The following PIEZO2 variants were observed in gnomAD, a reference collection of about 807,000 sequenced individuals.
PIEZO2 encodes the protein piezo type mechanosensitive ion channel component 2, also known as piezo-type mechanosensitive ion channel component 2.
In PIEZO2, 172 loss-of-function variants were observed where a neutral mutation model predicts 337.3. That is an observed-to-expected ratio of 0.51 (90% CI 0.45 to 0.58). The LOEUF is 0.58. PIEZO2 is among the 20% of genes least tolerant of loss of function. PIEZO2 has a pLI of 0.00. For synonymous variants in PIEZO2, 1,251 were observed against 1,228.5 expected (o/e 1.02, Z -0.38); for missense variants, 3,028 against 3,391.3 (o/e 0.89, Z 2.66).
intron 1 of PIEZO2, among the ~76,000 whole-genome samples, chr18:11,072,930 A>T (rs1459024580): frequency 1.3e-5 from 2 of 152,206 alleles, no homozygotes; most frequent in Admixed American, 1.3e-4. Flanking sequence ...AGACCCCTTC[A>T]CGCACCCTCT....
Position 10,969,886 on chromosome 18 carries a change from G to T in PIEZO2, c.286+9649C>A, listed in dbSNP as rs2034166229. ...CAAAGCAAGAGAGTCATCAAATTTT[G>T]TCTTTGCCATACCTTTATTTCTCCT... On this transcript the variant is annotated intron_variant, in intron 3 of 55. Transcript: ENST00000674853. This position sits in a 1 kb window ranked among gnomAD's most constrained non-coding sequence, Gnocchi z 4.5. 6.6e-6 allele frequency among the ~76,000 whole-genome samples: 1 copy of T among 151,702 alleles called. No homozygotes were observed. Among genetic ancestry groups the T allele is most frequent in the Admixed American group, 6.6e-5 (1 of 15,212 alleles).
intron 1 of PIEZO2, among the ~76,000 whole-genome samples, chr18:11,086,460 A>G (rs1381570972): frequency 6.6e-6 from 1 of 151,386 alleles, no homozygotes; most frequent in African/African-American, 2.4e-5. Context: ...CGGAGCTTGC[A>G]GTGAGCCGAG....
rs575625433 is a variant in PIEZO2 at position 10,704,587 on chromosome 18, A to G, written c.6065T>C (p.Leu2022Pro). ...KFYVGQPRFL[L>P]LFYAMYNTLV... ...GGTATTGTACATGGCATAGAAGAGC[A>G]GCAGAAATCGGGGCTGCCCCACGTA... Residue 2022 changes from leucine to proline, a missense_variant, in exon 42 of 56, where the codon CTG (leucine) becomes CCG (proline). Leu to Pro is a moderately conservative substitution (Grantham distance 98). Transcript: ENST00000674853. The G allele has an allele frequency of 5.2e-6, 8 of 1,537,328 alleles. No homozygotes were observed. The highest frequency in any genetic ancestry group is 7.0e-6 in the Non-Finnish European group (8 of 1,146,926).
Position 10,715,712 on chromosome 18 carries a change from G to T in PIEZO2, c.5194C>A (p.His1732Asn), listed in dbSNP as rs746124170. 11 of 1,536,536 alleles carry T rather than the reference G, an allele frequency of 7.2e-6. No individual in the cohort carries two copies. Among genetic ancestry groups the T allele is most frequent in the Non-Finnish European group, 9.6e-6 (11 of 1,146,550 alleles). Residue 1732 changes from histidine (H) to asparagine (N), a missense_variant, in exon 38 of 56, where the codon CAT becomes AAT. By Grantham distance (68) the His-to-Asn change is moderately conservative. Around this residue, in one of 5 missense-constraint regions of PIEZO2, gnomAD observed 1,925 missense variants for 2,051.9 expected, o/e 0.94. Transcript: ENST00000674853. The stretch of plus-strand genomic sequence containing the variant: ...CTCAGAACTGTAGATATATCAATAT[G>T]CTCCCTTGAAATGGAGTTAAGCCAA... ...TTWLNSISREHIDISTVLRIE... is the reference protein window; with the variant it reads ...TTWLNSISRENIDISTVLRIE...
In PIEZO2 at chr18:10,677,965, A is replaced by C; in HGVS notation, c.7953-90T>G. 1 of 1,290,622 alleles carries C rather than the reference A, an allele frequency of 7.7e-7. No individual in the cohort carries two copies. Among genetic ancestry groups the C allele is most frequent in the Non-Finnish European group, 1.0e-6 (1 of 964,200 alleles). The allele number at this position is 1,290,622 out of a possible 1,614,324, so 79.9% of individuals were successfully genotyped here. ...ACATATTTAACTCTTAATTTGATTA[A>C]TGTCACCACGTTTTCATTGGGTCCA... On this transcript the variant is annotated intron_variant, in intron 52 of 55. Coordinates refer to ENST00000674853, the MANE Select transcript of PIEZO2 (RefSeq NM_001378183.1). This position sits in a 1 kb window ranked among gnomAD's most constrained non-coding sequence, Gnocchi z 4.1.
chr18:10,916,888 T>A (rs1480753645), intron 3 of PIEZO2, among the ~76,000 whole-genome samples: 1 of 152,192 alleles, frequency 6.6e-6, no homozygotes, highest in Non-Finnish European at 1.5e-5. Flanking sequence ...CTCCTCCCTA[T>A]CATGTGTCTC....
At chr18:10,786,865 T>G (rs1354906653) in intron 16 of PIEZO2, among the ~76,000 whole-genome samples, 171 bp downstream of exon 16, 4 of 152,074 alleles carry the variant, frequency 2.6e-5, no homozygotes. Flanking sequence ...TGTTCTAAGC[T>G]AAGGGCTAAG....
rs1325814929 is a variant in PIEZO2 at position 10,759,185 on chromosome 18, TGAAAG to T, written c.3757+292_3757+296del. ...AAGCCTTCCTCTCTGGTCTGTCTTT[TGAAAG>T]GTGGCTGTGTAAATGTGTGTGTGTG... is the stretch of plus-strand genomic sequence containing the variant. On this transcript the variant is annotated intron_variant, in intron 26 of 55. Coordinates refer to ENST00000674853, the MANE Select transcript of PIEZO2 (RefSeq NM_001378183.1). The surrounding 1 kb of genome is among the most constrained non-coding windows in gnomAD (Gnocchi z 5.5). Among the ~76,000 whole-genome samples, 4 of 148,950 alleles carry T rather than the reference TGAAAG, an allele frequency of 2.7e-5. No homozygotes were observed. The highest frequency in any genetic ancestry group is 5.9e-5 in the Non-Finnish European group (4 of 67,510).
At chr18:10,787,456 AATAG>A (rs766784033) in intron 15 of PIEZO2, among the ~76,000 whole-genome samples, 6 of 152,150 alleles carry the variant, frequency 3.9e-5, no homozygotes, top group East Asian at 1.9e-4. Context: ...ACGAGGATGA[AATAG>A]ATATTGCTTA....
intron 14 of PIEZO2, among the ~76,000 whole-genome samples, chr18:10,790,810 G>A (rs1598484222): frequency 1.3e-5 from 2 of 150,562 alleles, no homozygotes; most frequent in East Asian, 2.0e-4. Context: ...GGTTCACACC[G>A]TTCTCTTCCT....
intron 2 of PIEZO2, among the ~76,000 whole-genome samples, chr18:11,045,966 T>C (rs1162431589): frequency 1.3e-5 from 2 of 152,192 alleles, no homozygotes; most frequent in East Asian, 3.8e-4. Flanking sequence ...GGTTGTCGCA[T>C]GAATAAATGT....
chr18:10,765,214 G>A (rs550341541), intron 21 of PIEZO2, among the ~76,000 whole-genome samples: 5 of 152,354 alleles, frequency 3.3e-5, no homozygotes, highest in African/African-American at 1.2e-4. Flanking sequence ...ATAAACAGGA[G>A]TTAGACAGGC....
rs922603284 is a variant in PIEZO2 at position 11,101,811 on chromosome 18, G to A, written c.65-35589C>T. On this transcript the variant is annotated intron_variant, in intron 1 of 55. Coordinates refer to ENST00000674853, the MANE Select transcript of PIEZO2 (RefSeq NM_001378183.1). The surrounding 1 kb of genome is among the most constrained non-coding windows in gnomAD (Gnocchi z 4.4). ...AGACCCCGACCAGGCAGAAGGCCTC[G>A]GCTACTCCCATGCTAAATTTTTGGG... Among the ~76,000 whole-genome samples the A allele has an allele frequency of 3.3e-5, 5 of 152,234 alleles. No homozygotes were observed. The highest frequency in any genetic ancestry group is 3.4e-3 in the Middle Eastern group (1 of 294).
intron 2 of PIEZO2, among the ~76,000 whole-genome samples, chr18:11,042,907 T>C (rs962488919): frequency 6.6e-6 from 1 of 152,188 alleles, no homozygotes. Flanking sequence ...ATACAGAAAA[T>C]ACTTCTTCAA....
At chr18:10,706,366 T>C (rs1300163938) in intron 40 of PIEZO2, among the ~76,000 whole-genome samples, 1 of 152,192 alleles carries the variant, frequency 6.6e-6, no homozygotes, top group Non-Finnish European at 1.5e-5. Context: ...GTGCATCCCG[T>C]CTGCGGAATC....
Position 10,767,338 on chromosome 18 carries a change from T to C in PIEZO2, c.2946+2810A>G, listed in dbSNP as rs766011593. ...ATGCTAACTTTGAAAAGGTTTAATA[T>C]TTGCAGGAGAGATGAACCCAAAAGT... On this transcript the variant is annotated intron_variant, in intron 21 of 55. Transcript: ENST00000674853. The surrounding 1 kb of genome is among the most constrained non-coding windows in gnomAD (Gnocchi z 4.2). 6.6e-6 allele frequency among the ~76,000 whole-genome samples: 1 copy of C among 152,136 alleles called. No homozygotes were observed. The highest frequency in any genetic ancestry group is 1.5e-5 in the Non-Finnish European group (1 of 68,014).
At chr18:11,022,266 T>G (rs1037579312) in intron 2 of PIEZO2, among the ~76,000 whole-genome samples, 1 of 152,102 alleles carries the variant, frequency 6.6e-6, no homozygotes, top group African/African-American at 2.4e-5. Flanking sequence ...TAGCAGAGCC[T>G]GTAAGGAAAT....
Position 10,846,353 on chromosome 18 carries a change from G to A in PIEZO2, c.917+9000C>T, listed in dbSNP as rs2041362256. Among the ~76,000 whole-genome samples, 1 of 152,188 alleles carries A rather than the reference G, an allele frequency of 6.6e-6. No individual in the cohort carries two copies. The highest frequency in any genetic ancestry group is 6.5e-5 in the Admixed American group (1 of 15,274). ...CACCAGAACAACACAGGAAAGACCT[G>A]CCCCCATAATTCAATCACCTCCCAC... On this transcript the variant is annotated intron_variant, in intron 7 of 55. Coordinates refer to ENST00000674853, the MANE Select transcript of PIEZO2 (RefSeq NM_001378183.1). This position sits in a 1 kb window ranked among gnomAD's most constrained non-coding sequence, Gnocchi z 4.1.
rs1291205105 is a variant in PIEZO2 at position 11,012,861 on chromosome 18, ACAGTGAGAC to A, written c.161-33210_161-33202del. On this transcript the variant is annotated intron_variant, in intron 2 of 55. Transcript: ENST00000674853. ...GGAGTTCGAGGCCAGCCTGGACATC[ACAGTGAGAC>A]CAGTCTGTACAAAAAATTTAAAAAT... 1.2e-4 allele frequency among the ~76,000 whole-genome samples: 19 copies of A among 152,318 alleles called. No homozygotes were observed. In the South Asian group the frequency reaches 1.7e-3, roughly 13 times the overall value.
Sources: gnomAD v4.1 joint callset for allele counts (sites outside exome capture counted in the v4.1 genomes callset) on GRCh38, gnomAD v4.1.1 for gene constraint, gnomAD v4.1.1 regional missense constraint, Gnocchi (gnomAD v3.1) non-coding constraint, MANE v1.5 for transcripts, NCBI Gene and HGNC (gene_info 2026-07-23, HGNC 2026-07-21) for gene names.